The following TRIP12 variants were observed in gnomAD, a reference collection of about 807,000 sequenced individuals.
TRIP12 encodes E3 ubiquitin-protein ligase TRIP12.
In TRIP12, 25 loss-of-function variants were observed where a neutral mutation model predicts 244.2. The ratio of observed to expected loss-of-function variants is 0.10; its 90% CI spans 0.07 to 0.14. The LOEUF is 0.14. TRIP12 is among the 10% of genes least tolerant of loss of function. The pLI, the probability that TRIP12 is intolerant of heterozygous loss-of-function variation, is 1.00. For missense variants in TRIP12, 1,677 were observed against 2,486.4 expected, an observed-to-expected ratio of 0.67 and a Z score of 6.92; for synonymous variants, 905 against 873.1, an observed-to-expected ratio of 1.04 and a Z score of -0.64.
intron 1 of TRIP12, among the ~76,000 whole-genome samples, chr2:229,880,732 T>G (rs2064672702): frequency 6.6e-6 from 1 of 152,070 alleles, no homozygotes. Context: ...TCATCTGAGG[T>G]CAGGAGTTCA....
At chr2:229,902,455 G>A (rs2071235959) in intron 1 of TRIP12, among the ~76,000 whole-genome samples, 1 of 152,154 alleles carries the variant, frequency 6.6e-6, no homozygotes, top group Non-Finnish European at 1.5e-5. Context: ...ATTATTGGCG[G>A]TACCTTTAAG....
chr2:229,802,965 T>G (rs563693426), intron 20 of TRIP12, among the ~76,000 whole-genome samples: 100 of 152,292 alleles, frequency 6.6e-4, no homozygotes, highest in African/African-American at 2.4e-3. Flanking sequence ...AAACATTAAC[T>G]TGTGAGGCAG....
intron 34 of TRIP12, among the ~76,000 whole-genome samples, chr2:229,780,097 A>C (rs1057319658): frequency 1.3e-5 from 2 of 152,208 alleles, no homozygotes; most frequent in Non-Finnish European, 2.9e-5. Context: ...GTAGTCCACT[A>C]AACGTTTAAC....
intron 7 of TRIP12, 87 bp from the exon 8 acceptor site, chr2:229,829,375 C>A: frequency 2.0e-6 from 2 of 1,014,634 alleles, no homozygotes; most frequent in South Asian, 1.6e-5. Context: ...TGATTCATCT[C>A]GCTTAACTGA....
chr2:229,786,564 ATTTTTTTTTTTTTT>A (rs34969936), intron 33 of TRIP12, among the ~76,000 whole-genome samples: 1 of 78,008 alleles, frequency 1.3e-5, no homozygotes, highest in Non-Finnish European at 2.3e-5. Context: ...CGCCCAGATA[ATTTTTTTTTTTTTT>A]TTTTTTTTTT....
rs559507297 is a variant in TRIP12 at position 229,908,657 on chromosome 2, C to T, written c.-50+13223G>A. Among the ~76,000 whole-genome samples, 5 of 151,592 alleles carry T rather than the reference C, an allele frequency of 3.3e-5. No individual in the cohort carries two copies. In the East Asian group the frequency reaches 5.8e-4, roughly 18 times the overall value. On this transcript the variant is annotated intron_variant, in intron 1 of 41. Transcript: ENST00000675903. ...CTGAGGCAGGAGAATGGCATGAACC[C>T]GGGAGGCAGAGCTTCCAGTGAGCCG...
chr2:229,869,839 T>C (rs1485504071), intron 2 of TRIP12, among the ~76,000 whole-genome samples: 2 of 152,176 alleles, frequency 1.3e-5, no homozygotes, highest in Admixed American at 1.3e-4. Context: ...TACTAACGAA[T>C]TTAAACTTGC....
intron 6 of TRIP12, among the ~76,000 whole-genome samples, chr2:229,833,569 G>C (rs1333509113): frequency 6.6e-6 from 1 of 152,160 alleles, no homozygotes; most frequent in Admixed American, 6.6e-5. Flanking sequence ...TTACAGGTGT[G>C]AGCTACTGCC....
At chr2:229,874,480 A>G (rs1157507926) in intron 2 of TRIP12, among the ~76,000 whole-genome samples, 1 of 152,202 alleles carries the variant, frequency 6.6e-6, no homozygotes, top group African/African-American at 2.4e-5. Flanking sequence ...AATATTTTTT[A>G]CAGCAAAAAT....
intron 1 of TRIP12, among the ~76,000 whole-genome samples, chr2:229,915,540 C>T (rs1036157446): frequency 5.9e-5 from 9 of 151,850 alleles, no homozygotes; most frequent in African/African-American, 1.9e-4. Flanking sequence ...TGTCAACAAA[C>T]GCTTAATCCC....
chr2:229,828,564 G>C (rs2052391055), intron 8 of TRIP12, among the ~76,000 whole-genome samples: 1 of 151,972 alleles, frequency 6.6e-6, no homozygotes, highest in African/African-American at 2.4e-5. Flanking sequence ...CTGAGGTCAG[G>C]AGATCGAGAT....
Position 229,904,906 on chromosome 2 carries a change from C to T in TRIP12, c.-50+16974G>A, listed in dbSNP as rs535299252. 2.0e-5 allele frequency among the ~76,000 whole-genome samples: 3 copies of T among 152,266 alleles called. No individual in the cohort carries two copies. In the East Asian group the frequency reaches 5.8e-4, roughly 29 times the overall value. On this transcript the variant is annotated intron_variant, in intron 1 of 41. Coordinates refer to ENST00000675903, the MANE Select transcript of TRIP12 (RefSeq NM_001348323.3). ...ATACTAATGTTAAAATTTTCACAAA[C>T]AGAAACTGGATGTGGAGTATAGGAG... is the stretch of plus-strand genomic sequence containing the variant.
chr2:229,922,751 T>G, upstream of TRIP12: 1 of 801,648 alleles, frequency 1.2e-6, no homozygotes, highest in African/African-American at 1.7e-5. Context: ...GAGATTTTCC[T>G]CGTCACCTCG....
intron 2 of TRIP12, among the ~76,000 whole-genome samples, chr2:229,873,694 T>G (rs1056813165): frequency 1.3e-5 from 2 of 152,208 alleles, no homozygotes; most frequent in Non-Finnish European, 2.9e-5. Context: ...ACTCTATTTC[T>G]TTCTATATAA....
At chr2:229,917,280 C>CT (rs1422006320) in intron 1 of TRIP12, among the ~76,000 whole-genome samples, 1 of 146,992 alleles carries the variant, frequency 6.8e-6, no homozygotes, top group Non-Finnish European at 1.5e-5. Flanking sequence ...ACTCGGGAGG[C>CT]TGAGGCAAGA....
intron 2 of TRIP12, 116 bp downstream of exon 2, chr2:229,879,866 T>G: frequency 8.5e-7 from 1 of 1,169,782 alleles, no homozygotes; most frequent in South Asian, 1.3e-5. Context: ...GGCTCACAAA[T>G]CAGGAAAAAT....
chr2:229,764,022 A>ATT lies in TRIP12; in HGVS notation c.*3531_*3532insAA, dbSNP rs2031089831. 1 of 152,256 alleles carries ATT rather than the reference A, an allele frequency of 6.6e-6. No individual in the cohort carries two copies. Among genetic ancestry groups the ATT allele is most frequent in the African/African-American group, 2.4e-5 (1 of 41,454 alleles). The allele number at this position is 152,256 out of a possible 1,614,324, so 9.4% of individuals were successfully genotyped here. A position where few individuals can be genotyped will look rare whatever the true frequency, so the allele number is the denominator to read the frequency against. ...AGCAATTGGTTATAGGTTTGGAAAT[A>ATT]TGAGTCGGCTTGTAGTAAAAATAAA... On this transcript the variant is annotated 3_prime_UTR_variant, in exon 42 of 42. Coordinates refer to ENST00000675903, the MANE Select transcript of TRIP12 (RefSeq NM_001348323.3).
rs1423252666 is a variant in TRIP12, at chr2:229,840,863, C to T, written c.1092G>A (p.Arg364=). 1 of 1,609,576 alleles carries T rather than the reference C, an allele frequency of 6.2e-7. No homozygotes were observed. The highest frequency in any genetic ancestry group is 1.3e-5 in the African/African-American group (1 of 74,292). ...SPPAELPSLR[R]STRQKTTGSC... ...AGCCCGTGGTCTTTTGGCGTGTGCT[C>T]CGCCTCAAACTGGGGAGCTCAGCAG... The change falls in exon 5 of 42, where the codon CGG becomes CGA. Residue 364 remains arginine, a synonymous_variant. Coordinates refer to ENST00000675903, the MANE Select transcript of TRIP12 (RefSeq NM_001348323.3).
chr2:229,914,662 A>G (rs2075033546), intron 1 of TRIP12, among the ~76,000 whole-genome samples: 1 of 152,174 alleles, frequency 6.6e-6, no homozygotes, highest in African/African-American at 2.4e-5. Context: ...AGGTACATCT[A>G]TTTATTCAGA....
Sources: allele counts gnomAD v4.1 joint callset (sites outside exome capture counted in the v4.1 genomes callset), GRCh38; gene constraint gnomAD v4.1.1; transcripts MANE v1.5; gene names NCBI Gene and HGNC (gene_info 2026-07-23, HGNC 2026-07-21).